CDH1: variants seen among roughly 807,000 people sequenced by gnomAD.
The protein encoded by CDH1 is cadherin-1.
In CDH1, 35 loss-of-function variants were observed where a neutral mutation model predicts 84.5. The ratio of observed to expected loss-of-function variants is 0.41; its 90% CI spans 0.32 to 0.55. The LOEUF (loss-of-function observed/expected upper bound fraction) is 0.55. Among genes scored for constraint, CDH1 ranks in the 20% least tolerant of loss-of-function variants. CDH1 has a pLI of 0.19. For synonymous variants in CDH1, 417 were observed against 439.0 expected, an observed-to-expected ratio of 0.95 and a Z score of 0.63; for missense variants, 994 against 1,126.6, an observed-to-expected ratio of 0.88 and a Z score of 1.68.
In CDH1 at chr16:68,774,684, G is replaced by A. The variant is rs576044115; in HGVS notation, c.164-26986G>A. Among the ~76,000 whole-genome samples the A allele has an allele frequency of 3.0e-3, 457 of 152,240 alleles. 6 individuals carry two copies. The South Asian group carries it at 0.036, about 12-fold the overall frequency. On this transcript the variant is annotated intron_variant, in intron 2 of 15. Transcript: ENST00000261769. ...CCTTTGCAATGAAAGCGGATGCCTG[G>A]TGTTTAGTGCTCAAGCAGTGCTGGG...
intron 2 of CDH1, among the ~76,000 whole-genome samples, chr16:68,771,608 T>G (rs1247842857): frequency 1.3e-5 from 2 of 151,918 alleles, no homozygotes; most frequent in Admixed American, 6.6e-5. Flanking sequence ...AAAAATTAGC[T>G]GGGCGTGGTG....
intron 2 of CDH1, among the ~76,000 whole-genome samples, chr16:68,789,324 A>T (rs1226135830): frequency 6.6e-6 from 1 of 151,942 alleles, no homozygotes; most frequent in East Asian, 1.9e-4. Flanking sequence ...GAGCCACCGC[A>T]CCTGGCCAGG....
chr16:68,815,646 C>T lies in CDH1; in HGVS notation c.1452C>T (p.Pro484=), dbSNP rs1597898030. Residue 484 remains proline (P), a synonymous_variant, in exon 10 of 16, where the codon CCC becomes CCT. Transcript: ENST00000261769. ...ATGTGCTGGATGTGAATGAAGCCCC[C>T]ATCTTTGTGCCTCCTGAAAAGAGAG... is the stretch of plus-strand genomic sequence containing the variant. ...TVDVLDVNEA[P]IFVPPEKRVE... The T allele has an allele frequency of 6.2e-7, 1 of 1,614,200 alleles. No homozygotes were observed. Among genetic ancestry groups the T allele is most frequent in the South Asian group, 1.1e-5 (1 of 91,082 alleles).
intron 2 of CDH1, among the ~76,000 whole-genome samples, chr16:68,791,892 A>G (rs1023803705): frequency 6.6e-6 from 1 of 152,006 alleles, no homozygotes; most frequent in Non-Finnish European, 1.5e-5. Flanking sequence ...CAATCCCTCA[A>G]AGGAGGTGGG....
At chr16:68,769,813 G>A (rs1375949669) in intron 2 of CDH1, among the ~76,000 whole-genome samples, 6 of 151,902 alleles carry the variant, frequency 3.9e-5, no homozygotes, top group South Asian at 2.1e-4. Flanking sequence ...TCACGCTGGG[G>A]ACTACAGGTT....
chr16:68,801,717 C>A lies in CDH1; in HGVS notation c.211C>A (p.Leu71Ile), dbSNP rs1555514408. Residue 71 changes from leucine (L) to isoleucine (I), a missense_variant, in exon 3 of 16, where the codon CTC (leucine) becomes ATC (isoleucine). By Grantham distance (5) the Leu-to-Ile change is conservative. This residue lies in a region of CDH1 where 203 missense variants were observed against 194.0 expected (regional missense o/e 1.05). Coordinates refer to ENST00000261769, the MANE Select transcript of CDH1 (RefSeq NM_004360.5). ...TGRQRTAYFSLDTRFKVGTDG... is the reference protein window; with the variant it reads ...TGRQRTAYFSIDTRFKVGTDG... ...TCGACAAAGGACAGCCTATTTTTCC[C>A]TCGACACCCGATTCAAAGTGGGCAC... 2 of 1,614,128 alleles carry A rather than the reference C, an allele frequency of 1.2e-6. No individual in the cohort carries two copies. The highest frequency in any genetic ancestry group is 2.2e-5 in the South Asian group (2 of 91,084).
At chr16:68,801,525 C>T in intron 2 of CDH1, 145 bp from the exon 3 acceptor site, 2 of 749,356 alleles carry the variant, frequency 2.7e-6, no homozygotes, top group Admixed American at 1.9e-5. Context: ...ATGGTGATAG[C>T]TTTGTTGTTC....
chr16:68,824,361 G>A (rs570874883), intron 13 of CDH1, among the ~76,000 whole-genome samples: 1 of 152,132 alleles, frequency 6.6e-6, no homozygotes, highest in Non-Finnish European at 1.5e-5. Context: ...ACCATAGGCA[G>A]AGTAGCAAGA....
chr16:68,821,351 T>C (rs1961138280), intron 11 of CDH1, among the ~76,000 whole-genome samples: 1 of 151,994 alleles, frequency 6.6e-6, no homozygotes, highest in Non-Finnish European at 1.5e-5. Flanking sequence ...GGCATGCGCC[T>C]GTAGTCTCAG....
At chr16:68,784,016 G>C (rs926336157) in intron 2 of CDH1, among the ~76,000 whole-genome samples, 4 of 151,998 alleles carry the variant, frequency 2.6e-5, no homozygotes, top group Admixed American at 2.0e-4. Flanking sequence ...CCATTGAGTG[G>C]ATGCCCATCA....
chr16:68,783,420 G>GA (rs1006347967), intron 2 of CDH1, among the ~76,000 whole-genome samples: 1 of 137,128 alleles, frequency 7.3e-6, no homozygotes, highest in South Asian at 2.3e-4. Context: ...AAGAAAAAAA[G>GA]AAAAAAAAGT....
chr16:68,790,736 C>T (rs920867083), intron 2 of CDH1, among the ~76,000 whole-genome samples: 1 of 152,064 alleles, frequency 6.6e-6, no homozygotes, highest in African/African-American at 2.4e-5. Context: ...AGATGAGATT[C>T]CTTGCCAGTT....
At chr16:68,813,006 C>A (rs1275977981) in intron 8 of CDH1, among the ~76,000 whole-genome samples, 1 of 152,150 alleles carries the variant, frequency 6.6e-6, no homozygotes, top group Admixed American at 6.6e-5. Flanking sequence ...TACCATTGCA[C>A]CCCAGTGCGC....
intron 2 of CDH1, among the ~76,000 whole-genome samples, chr16:68,743,569 A>T (rs1030455044): frequency 6.6e-6 from 1 of 151,662 alleles, no homozygotes; most frequent in African/African-American, 2.4e-5. Context: ...TTTCACCATG[A>T]TGTCAGGCTG....
chr16:68,769,823 T>G (rs28450087), intron 2 of CDH1, among the ~76,000 whole-genome samples: 45,050 of 151,528 alleles, frequency 0.3, 6,789 homozygotes, highest in Middle Eastern at 0.34. Context: ...GACTACAGGT[T>G]TATGCCATCA....
intron 3 of CDH1, among the ~76,000 whole-genome samples, chr16:68,804,144 C>T (rs4783687): frequency 0.65 from 79,498 of 122,826 alleles, 25,570 homozygotes; most frequent in African/African-American, 0.77. Flanking sequence ...GATGGAGTCT[C>T]GCTCTGTCAC....
chr16:68,812,302 T>G, intron 8 of CDH1, 39 bp downstream of exon 8: 1 of 1,610,088 alleles, frequency 6.2e-7, no homozygotes, highest in Non-Finnish European at 8.5e-7. Flanking sequence ...CAAAGAAAGG[T>G]CTTTTGTTGT....
intron 2 of CDH1, among the ~76,000 whole-genome samples, chr16:68,756,044 A>G (rs1474233113): frequency 2.0e-5 from 3 of 151,598 alleles, no homozygotes; most frequent in Non-Finnish European, 4.4e-5. Flanking sequence ...GATTACAGGC[A>G]TGAATGAGCC....
At chr16:68,798,403 G>A (rs1480129737) in intron 2 of CDH1, among the ~76,000 whole-genome samples, 1 of 152,104 alleles carries the variant, frequency 6.6e-6, no homozygotes, top group Non-Finnish European at 1.5e-5. Flanking sequence ...TTCTGGAGCT[G>A]AAGAACCTTT....
Sources: gnomAD v4.1 joint callset for allele counts (sites outside exome capture counted in the v4.1 genomes callset) on GRCh38, gnomAD v4.1.1 for gene constraint, gnomAD v4.1.1 regional missense constraint, MANE v1.5 for transcripts, NCBI Gene and HGNC (gene_info 2026-07-23, HGNC 2026-07-21) for gene names.